The following USP9X variants were observed in gnomAD, a reference collection of about 807,000 sequenced individuals.
USP9X encodes the protein ubiquitin carboxyl-terminal hydrolase 9X.
A neutral mutation model predicts 190.3 loss-of-function variants in USP9X; 7 were observed. That is an observed-to-expected ratio of 0.04 (90% CI 0.02 to 0.07). The LOEUF is 0.07. USP9X is among the 10% of genes least tolerant of loss of function. The pLI is 1.00. For synonymous variants in USP9X, 645 were observed against 659.5 expected, an observed-to-expected ratio of 0.98 and a Z score of 0.34; for missense variants, 1,010 against 1,916.9, an observed-to-expected ratio of 0.53 and a Z score of 8.83.
intron 4 of USP9X, among the ~76,000 whole-genome samples, chrX:41,133,131 A>G (rs1025999251): frequency 2.7e-5 from 3 of 111,840 alleles, no homozygotes; most frequent in African/African-American, 9.7e-5. Flanking sequence ...TTTAAGTTCA[A>G]CTCCATGGCA....
In USP9X at chrX:41,134,799, A is replaced by G. The variant is rs1469747830; in HGVS notation, c.397A>G (p.Thr133Ala). 8.3e-7 allele frequency: 1 copy of G among 1,210,631 alleles called. No homozygotes were observed. The highest frequency in any genetic ancestry group is 2.2e-5 in the Admixed American group (1 of 45,981). The change falls in exon 5 of 45, where the codon ACA becomes GCA. Residue 133 changes from threonine (T) to alanine (A), a missense_variant. This residue lies in a region of USP9X where 176 missense variants were observed against 247.5 expected (regional missense o/e 0.71). Coordinates refer to ENST00000378308, the MANE Select transcript of USP9X (RefSeq NM_001039591.3). ...AACAATATCATTCACTAAAATTCTT[A>G]CAGATGAAGCAGTGAGTGGCTGGAA... Reference protein sequence around the residue: ...GLTISFTKILTDEAVSGWKFE... With the variant: ...GLTISFTKILADEAVSGWKFE...
chrX:41,165,329 G>A (rs766167246), intron 15 of USP9X, among the ~76,000 whole-genome samples: 6 of 111,742 alleles, frequency 5.4e-5, no homozygotes, highest in Non-Finnish European at 1.1e-4. Context: ...GGGTTCAATT[G>A]ATTCTCATGC....
At chrX:41,145,390 C>G (rs1436721964) in intron 11 of USP9X, among the ~76,000 whole-genome samples, 1 of 111,995 alleles carries the variant, frequency 8.9e-6, no homozygotes, top group South Asian at 3.7e-4. Context: ...TGCTTATGTA[C>G]ACCAGGATAC....
At chrX:41,135,712 C>T (rs1394222038) in intron 5 of USP9X, among the ~76,000 whole-genome samples, 2 of 111,487 alleles carry the variant, frequency 1.8e-5, no homozygotes, top group African/African-American at 6.5e-5. Flanking sequence ...CTCACTGCAA[C>T]CTCCGCCTCC....
At chrX:41,211,867 G>A (rs1466929220) in intron 33 of USP9X, among the ~76,000 whole-genome samples, 3 of 99,713 alleles carry the variant, frequency 3.0e-5, no homozygotes, top group African/African-American at 7.4e-5. Flanking sequence ...CCGGCCAGCC[G>A]CCCCATCCGG....
chrX:41,111,219 T>A (rs1330536475), intron 1 of USP9X, among the ~76,000 whole-genome samples: 1 of 111,555 alleles, frequency 9.0e-6, no homozygotes, highest in Non-Finnish European at 1.9e-5. Flanking sequence ...GCCCTTGTAT[T>A]AATAAAAGAG....
intron 21 of USP9X, among the ~76,000 whole-genome samples, chrX:41,181,350 C>G (rs1339908159): frequency 2.1e-5 from 2 of 96,002 alleles, no homozygotes; most frequent in African/African-American, 7.8e-5. Context: ...ATGATCCTAG[C>G]TCACTGTAAC....
chrX:41,217,425 C>T, intron 36 of USP9X, 82 bp downstream of exon 36: 1 of 1,034,847 alleles, frequency 9.7e-7, no homozygotes, highest in Non-Finnish European at 1.3e-6. Context: ...TTTTCTAAAC[C>T]AAGAGAATTT....
rs183984360 is a variant in USP9X at position 41,090,203 on chromosome X, G to A, written c.-159+4094G>A. Among the ~76,000 whole-genome samples the A allele has an allele frequency of 1.0e-4, 11 of 109,667 alleles. No homozygotes were observed. The Admixed American group carries it at 1.1e-3, about 11-fold the overall frequency. ...ATTCCCGGCATGAGCGACTGGGCCC[G>A]GCCCTATGAGCATTCTTAGTGTGAC... On this transcript the variant is annotated intron_variant, in intron 1 of 44. Transcript: ENST00000378308.
At chrX:41,132,399 G>T (rs898132186) in intron 4 of USP9X, among the ~76,000 whole-genome samples, 4 of 103,005 alleles carry the variant, frequency 3.9e-5, no homozygotes, top group Non-Finnish European at 7.8e-5. Context: ...CACCTCCCCG[G>T]TTCAAGCGAT....
chrX:41,225,144 A>G lies in USP9X; in HGVS notation c.7061+7A>G. 1 of 1,204,579 alleles carries G rather than the reference A, an allele frequency of 8.3e-7. No homozygotes were observed. Among genetic ancestry groups the G allele is most frequent in the East Asian group, 3.0e-5 (1 of 33,790 alleles). On this transcript the variant is annotated splice_region_variant and intron_variant, in intron 41 of 44. Transcript: ENST00000378308. The stretch of plus-strand genomic sequence containing the variant: ...ACTCCTGGCAAACTCACAGGTGGAT[A>G]CTCTTTTTGTGACTGGAAACAATTA...
At chrX:41,101,199 T>C (rs1329280082) in intron 1 of USP9X, among the ~76,000 whole-genome samples, 2 of 111,396 alleles carry the variant, frequency 1.8e-5, no homozygotes, top group Non-Finnish European at 3.8e-5. Context: ...GCTTTCACTT[T>C]AGATTTTTCT....
At chrX:41,147,175 GTT>G (rs758775108) in intron 11 of USP9X, among the ~76,000 whole-genome samples, 2 of 100,197 alleles carry the variant, frequency 2.0e-5, no homozygotes, top group African/African-American at 7.2e-5. Context: ...GATACAGAAG[GTT>G]TTTTTTTTTT....
In USP9X at chrX:41,129,244, A is replaced by G. The variant is rs985824632; in HGVS notation, c.242+99A>G. 7.3e-6 allele frequency: 6 copies of G among 823,322 alleles called. No homozygotes were observed. In the African/African-American group the frequency reaches 1.0e-4, roughly 14 times the overall value. 67.9% of individuals were successfully genotyped at this position (823,322 alleles called of 1,213,427 possible). ...TAGCTTCGTCACTGCCAAGTGCTTT[A>G]TAACCCATGATTCTTAATAGATTTA... On this transcript the variant is annotated intron_variant, in intron 3 of 44. Transcript: ENST00000378308.
intron 10 of USP9X, among the ~76,000 whole-genome samples, 169 bp downstream of exon 10, chrX:41,143,612 T>C (rs2062440439): frequency 8.9e-6 from 1 of 112,179 alleles, no homozygotes; most frequent in African/African-American, 3.2e-5. Flanking sequence ...CAATAATCTT[T>C]TAAAAATAAA....
chrX:41,225,578 A>G (rs1249660222), intron 41 of USP9X, among the ~76,000 whole-genome samples: 2 of 112,383 alleles, frequency 1.8e-5, no homozygotes, highest in Non-Finnish European at 3.8e-5. Context: ...CATGGTACTT[A>G]TATTCTGTAA....
At chrX:41,097,573 C>T (rs954209964) in intron 1 of USP9X, among the ~76,000 whole-genome samples, 78 of 111,690 alleles carry the variant, frequency 7.0e-4, no homozygotes, top group Non-Finnish European at 3.0e-4. Context: ...GTTATGTATG[C>T]TTTTAAAAGT....
intron 13 of USP9X, among the ~76,000 whole-genome samples, chrX:41,151,977 TCAAAA>T (rs2062531110): frequency 8.9e-6 from 1 of 112,294 alleles, no homozygotes; most frequent in Non-Finnish European, 1.9e-5. Flanking sequence ...TGAGACTGTC[TCAAAA>T]CAAAAACAAA....
chrX:41,110,808 A>C (rs765458175), intron 1 of USP9X, among the ~76,000 whole-genome samples: 2 of 112,015 alleles, frequency 1.8e-5, no homozygotes, highest in African/African-American at 3.2e-5. Flanking sequence ...AATATGTACC[A>C]GATGGAGAAG....
Sources: gnomAD v4.1 joint callset for allele counts (sites outside exome capture counted in the v4.1 genomes callset) on GRCh38, gnomAD v4.1.1 for gene constraint, gnomAD v4.1.1 regional missense constraint, MANE v1.5 for transcripts, NCBI Gene and HGNC (gene_info 2026-07-23, HGNC 2026-07-21) for gene names.